H2AZ2: variants seen among roughly 807,000 people sequenced by gnomAD.
H2AZ2 encodes the protein histone H2A.V.
Under a neutral mutation model 15.5 loss-of-function variants are expected in H2AZ2, and 5 were observed. That is an observed-to-expected ratio of 0.32 (90% CI 0.17 to 0.68). H2AZ2 has a LOEUF of 0.68. Ranked by LOEUF, H2AZ2 falls within the 30% of genes least tolerant of loss-of-function variation. H2AZ2 has a pLI of 0.72. For synonymous variants in H2AZ2, 44 were observed against 57.4 expected, an observed-to-expected ratio of 0.77 and a Z score of 1.05; for missense variants, 42 against 162.5, an observed-to-expected ratio of 0.26 and a Z score of 4.03.
chr7:44,840,126 T>C (rs2117036539), intron 3 of H2AZ2, among the ~76,000 whole-genome samples: 1 of 151,914 alleles, frequency 6.6e-6, no homozygotes, highest in Admixed American at 6.5e-5. Flanking sequence ...CCCAGGAGGT[T>C]TGAGGTTGGA....
chr7:44,843,093 T>G (rs888885195), intron 2 of H2AZ2, among the ~76,000 whole-genome samples, 184 bp downstream of exon 2: 1 of 116,900 alleles, frequency 8.6e-6, no homozygotes, highest in African/African-American at 3.3e-5. Context: ...GAGCCGAGAT[T>G]GCACCACTGC....
intron 3 of H2AZ2, among the ~76,000 whole-genome samples, chr7:44,838,751 T>C (rs942341211): frequency 6.6e-6 from 1 of 152,170 alleles, no homozygotes; most frequent in Non-Finnish European, 1.5e-5. Flanking sequence ...CGATGTTAAA[T>C]CCCCAGTGGG....
At chr7:44,836,332 T>C (rs1793122014) in intron 3 of H2AZ2, among the ~76,000 whole-genome samples, 1 of 152,120 alleles carries the variant, frequency 6.6e-6, no homozygotes, top group Non-Finnish European at 1.5e-5. Context: ...AATGTATTTC[T>C]TAATGCTTTT....
chr7:44,845,599 C>G (rs1466920605), intron 1 of H2AZ2, among the ~76,000 whole-genome samples: 1 of 152,106 alleles, frequency 6.6e-6, no homozygotes. Flanking sequence ...AAAAAGCCAA[C>G]AACTACAAAA....
At chr7:44,847,793 C>T (rs1004991961) in intron 1 of H2AZ2, among the ~76,000 whole-genome samples, 176 bp downstream of exon 1, 1 of 152,212 alleles carries the variant, frequency 6.6e-6, no homozygotes, top group Admixed American at 6.5e-5. Flanking sequence ...ACCCGGGGAC[C>T]CGTGTCGGGC....
rs1363779915 is a variant in H2AZ2 at position 44,843,313 on chromosome 7, AGCCTTG to A, written c.39_44del (p.Lys16_Ala17del). The A allele has an allele frequency of 6.2e-6, 10 of 1,612,992 alleles. No individual in the cohort carries two copies. Among genetic ancestry groups the A allele is most frequent in the East Asian group, 4.5e-5 (2 of 44,862 alleles). ...CTCTCTGTGAGCGAGATACTGCCTTAGCCTTGGCCTTCCCACTGTCCTTTCCAGCTT... is the reference window on the plus strand; with the variant it reads ...CTCTCTGTGAGCGAGATACTGCCTTAGCCTTCCCACTGTCCTTTCCAGCTT... On this transcript the variant is annotated inframe_deletion, in exon 2 of 5. Transcript: ENST00000308153.
At chr7:44,846,235 T>C (rs1054497257) in intron 1 of H2AZ2, among the ~76,000 whole-genome samples, 1 of 152,320 alleles carries the variant, frequency 6.6e-6, no homozygotes, top group Middle Eastern at 3.4e-3. Context: ...TCCTGCATTT[T>C]TAGCTTATGT....
rs886383296 is a variant in H2AZ2, at chr7:44,841,084, A to G, written c.82-72T>C. 3 of 1,133,626 alleles carry G rather than the reference A, an allele frequency of 2.6e-6. No homozygotes were observed. The African/African-American group carries it at 4.7e-5, about 18-fold the overall frequency. The allele number at this position is 1,133,626 out of a possible 1,614,324, so 70.2% of individuals were successfully genotyped here. ...TGCACTGACTGTAATCAAAGGCTGA[A>G]CAATGTAAGCATGAAATAATAAAAA... On this transcript the variant is annotated intron_variant, in intron 2 of 4. Coordinates refer to ENST00000308153, the MANE Select transcript of H2AZ2 (RefSeq NM_012412.5).
chr7:44,838,047 T>G (rs187505938), intron 3 of H2AZ2, among the ~76,000 whole-genome samples: 4,608 of 152,192 alleles, frequency 0.03, 102 homozygotes, highest in Non-Finnish European at 0.044. Flanking sequence ...CTCGGCTCGC[T>G]GCAACCTCTG....
downstream of H2AZ2, chr7:44,829,200 T>TA (rs1792967029): frequency 1.3e-5 from 2 of 152,214 alleles, no homozygotes; most frequent in Admixed American, 6.5e-5. Flanking sequence ...CTGTCTCCCT[T>TA]AGACACTTTT....
At chr7:44,839,278 G>A (rs1793210265) in intron 3 of H2AZ2, among the ~76,000 whole-genome samples, 1 of 152,074 alleles carries the variant, frequency 6.6e-6, no homozygotes, top group Non-Finnish European at 1.5e-5. Flanking sequence ...AAGTTCACTG[G>A]GGTATGGTGG....
intron 1 of H2AZ2, among the ~76,000 whole-genome samples, chr7:44,846,064 G>C (rs67440840): frequency 0.45 from 46,280 of 102,886 alleles, 9,263 homozygotes; most frequent in Non-Finnish European, 0.58. Context: ...CACACACACA[G>C]AGAGAGACAG....
chr7:44,837,436 A>G (rs1441154917), intron 3 of H2AZ2, among the ~76,000 whole-genome samples: 10 of 17,312 alleles, frequency 5.8e-4, no homozygotes, highest in Non-Finnish European at 1.3e-3. Flanking sequence ...AAAAAAAGAA[A>G]AAAAAAAAAA....
At chr7:44,836,984 A>C (rs1293524148) in intron 3 of H2AZ2, among the ~76,000 whole-genome samples, 2 of 151,778 alleles carry the variant, frequency 1.3e-5, no homozygotes, top group Non-Finnish European at 2.9e-5. Flanking sequence ...CGACAGAGCG[A>C]GACTCTGTCT....
At chr7:44,831,390 C>G (rs1278212264), downstream of H2AZ2, among the ~76,000 whole-genome samples, 1 of 151,706 alleles carries the variant, frequency 6.6e-6, no homozygotes, top group Non-Finnish European at 1.5e-5. Context: ...AAAATACAAC[C>G]CTGGGAAGAA....
intron 3 of H2AZ2, among the ~76,000 whole-genome samples, chr7:44,839,389 A>G (rs1736254564): frequency 1.3e-5 from 2 of 152,094 alleles, no homozygotes; most frequent in South Asian, 4.1e-4. Flanking sequence ...AAAAAAATAA[A>G]AAATAGGCTG....
intron 2 of H2AZ2, among the ~76,000 whole-genome samples, chr7:44,842,116 A>G (rs1793289076): frequency 6.6e-6 from 1 of 152,160 alleles, no homozygotes; most frequent in Non-Finnish European, 1.5e-5. Flanking sequence ...GGCAAGATTT[A>G]TGTCTTCTTT....
intron 3 of H2AZ2, among the ~76,000 whole-genome samples, chr7:44,837,337 C>T (rs532254093): frequency 4.5e-5 from 6 of 134,728 alleles, no homozygotes; most frequent in Admixed American, 2.5e-4. Flanking sequence ...GCAGGAGAAT[C>T]GGTTGAACCC....
chr7:44,843,401 T>C (rs781060852), intron 1 of H2AZ2, 47 bp from the exon 2 acceptor site: 31 of 1,272,858 alleles, frequency 2.4e-5, no homozygotes, highest in Non-Finnish European at 3.4e-5. Context: ...TTGAAAATAC[T>C]ACTTCAAAAA....
Sources: allele counts gnomAD v4.1 joint callset (sites outside exome capture counted in the v4.1 genomes callset), GRCh38; gene constraint gnomAD v4.1.1; transcripts MANE v1.5; gene names NCBI Gene and HGNC (gene_info 2026-07-23, HGNC 2026-07-21).